The following RGS7 variants were observed in gnomAD, a reference collection of about 807,000 sequenced individuals.
RGS7 encodes the protein regulator of G-protein signaling 7.
RGS7 carries 27 observed loss-of-function variants against 81.1 expected under a neutral mutation model. That is an observed-to-expected ratio of 0.33 (90% CI 0.25 to 0.46). The LOEUF (loss-of-function observed/expected upper bound fraction) is 0.46, where lower values mean the gene tolerates loss of function less well. Among genes scored for constraint, RGS7 ranks in the 20% least tolerant of loss-of-function variants. The pLI, the probability that RGS7 is intolerant of heterozygous loss-of-function variation, is 1.00. For synonymous variants in RGS7, 208 were observed against 207.7 expected (o/e 1.00, Z -0.01); for missense variants, 396 against 607.4 (o/e 0.65, Z 3.66).
chr1:241,196,907 C>A, intron 2 of RGS7, among the ~76,000 whole-genome samples: 2 of 141,384 alleles, frequency 1.4e-5, no homozygotes, highest in African/African-American at 2.6e-5. Flanking sequence ...AGCACTAATA[C>A]AATGGTAAAA....
chr1:240,850,596 A>G (rs1659926939), intron 9 of RGS7, among the ~76,000 whole-genome samples: 2 of 152,216 alleles, frequency 1.3e-5, no homozygotes, highest in Admixed American at 1.3e-4. Flanking sequence ...CAAGTCTCTC[A>G]ATTTAAGCAA....
At chr1:240,955,005 T>C (rs1680135781) in intron 4 of RGS7, among the ~76,000 whole-genome samples, 1 of 151,994 alleles carries the variant, frequency 6.6e-6, no homozygotes, top group South Asian at 2.1e-4. Context: ...AGCAGCAAAA[T>C]TGGAAATAGT....
Position 240,887,120 on chromosome 1 carries a change from A to G in RGS7, c.386-17001T>C, listed in dbSNP as rs548190072. On this transcript the variant is annotated intron_variant, in intron 6 of 18. Transcript: ENST00000440928. ...GGAAAGTAATGTATGGAATTACTAG[A>G]TATATTGTACTTTCAGGTCACTGCA... Among the ~76,000 whole-genome samples, 5 of 152,252 alleles carry G rather than the reference A, an allele frequency of 3.3e-5. No homozygotes were observed. The East Asian group carries it at 7.7e-4, about 23-fold the overall frequency.
In RGS7 at chr1:241,256,853, G is replaced by C. The variant is rs2077071988; in HGVS notation, c.78+98846C>G. Among the ~76,000 whole-genome samples the C allele has an allele frequency of 4.0e-5, 6 of 151,670 alleles. No individual in the cohort carries two copies. In the South Asian group the frequency reaches 1.3e-3, roughly 32 times the overall value. On this transcript the variant is annotated intron_variant, in intron 2 of 18. Coordinates refer to ENST00000440928, the MANE Select transcript of RGS7 (RefSeq NM_001364886.1). ...AGTTTTGGGGAGGCACAAATGTTCAGTCCATAGCAAGGATATTTGTCAACT... is the reference window on the plus strand; with the variant it reads ...AGTTTTGGGGAGGCACAAATGTTCACTCCATAGCAAGGATATTTGTCAACT...
chr1:240,967,478 C>G (rs948702751), intron 4 of RGS7, among the ~76,000 whole-genome samples: 1 of 149,608 alleles, frequency 6.7e-6, no homozygotes, highest in Non-Finnish European at 1.5e-5. Flanking sequence ...TGAGAGATCA[C>G]GGAGGAAGTC....
intron 2 of RGS7, among the ~76,000 whole-genome samples, chr1:241,298,553 C>A (rs2079554995): frequency 1.3e-5 from 2 of 152,180 alleles, no homozygotes; most frequent in South Asian, 4.1e-4. Flanking sequence ...ACGACACCTT[C>A]TACCATTGCT....
In RGS7 at chr1:240,930,785, A is replaced by C; in HGVS notation, c.334-17T>G. ...ATAGGGGGTCTGCGGAATGAAAAGA[A>C]GTGGAACCCAGATTAGACAAATAAA... On this transcript the variant is annotated splice_polypyrimidine_tract_variant and intron_variant, in intron 5 of 18. Coordinates refer to ENST00000440928, the MANE Select transcript of RGS7 (RefSeq NM_001364886.1). 6.2e-7 allele frequency: 1 copy of C among 1,613,460 alleles called. No homozygotes were observed. Among genetic ancestry groups the C allele is most frequent in the Non-Finnish European group, 8.5e-7 (1 of 1,179,382 alleles).
intron 6 of RGS7, chr1:240,919,734 A>T: frequency 1.6e-6 from 1 of 632,250 alleles, no homozygotes; most frequent in South Asian, 1.8e-5. Flanking sequence ...ACAAGGTGAG[A>T]GCCTGAGGGG....
chr1:241,299,935 C>CAAAAAAAAAAAA (rs35939099), intron 2 of RGS7, among the ~76,000 whole-genome samples: 6 of 58,058 alleles, frequency 1.0e-4, no homozygotes, highest in East Asian at 5.6e-4. Flanking sequence ...CTCGTTTCTC[C>CAAAAAAAAAAAA]AAAAAAAAAA....
rs77730904 is a variant in RGS7, at chr1:240,993,293, A to G, written c.176-10164T>C. Among the ~76,000 whole-genome samples, 635 of 151,766 alleles carry G rather than the reference A, an allele frequency of 4.2e-3. 10 individuals carry two copies. The East Asian group carries it at 0.06, about 14-fold the overall frequency. On this transcript the variant is annotated intron_variant, in intron 3 of 18. Coordinates refer to ENST00000440928, the MANE Select transcript of RGS7 (RefSeq NM_001364886.1). ...AAAGAAAGAAAGAGAGAGAGAGAGA[A>G]AGAAAGAGCCAAACTATTTTCCAGA...
chr1:241,166,500 G>A (rs760750708), intron 2 of RGS7, among the ~76,000 whole-genome samples: 1 of 152,162 alleles, frequency 6.6e-6, no homozygotes, highest in Non-Finnish European at 1.5e-5. Context: ...AAGGGAGGGA[G>A]TCACTCTGTA....
chr1:241,230,302 C>G lies in RGS7; in HGVS notation c.78+125397G>C, dbSNP rs184164076. On this transcript the variant is annotated intron_variant, in intron 2 of 18. Transcript: ENST00000440928. ...GATCTCGGCTCACTGAAAACTCCGC[C>G]TCCCAGGTTCAAGTGATTCTTGTGC... 1.4e-3 allele frequency among the ~76,000 whole-genome samples: 211 copies of G among 151,364 alleles called. 6 individuals are homozygous for G. Among genetic ancestry groups the G allele is most frequent in the Non-Finnish European group, 3.4e-4 (23 of 67,788 alleles).
chr1:241,180,712 T>C (rs868798710), intron 2 of RGS7, among the ~76,000 whole-genome samples: 1 of 152,214 alleles, frequency 6.6e-6, no homozygotes, highest in East Asian at 1.9e-4. Context: ...GAGCACTAGA[T>C]CAAGAGTCAA....
chr1:240,966,082 A>G (rs898879680), intron 4 of RGS7, among the ~76,000 whole-genome samples: 1 of 152,176 alleles, frequency 6.6e-6, no homozygotes. Flanking sequence ...GCAACCACCT[A>G]CCATCTTTGT....
intron 3 of RGS7, among the ~76,000 whole-genome samples, chr1:240,999,860 A>C (rs500489): frequency 0.52 from 78,784 of 151,796 alleles, 21,028 homozygotes; most frequent in African/African-American, 0.65. Context: ...ACCTCGGCCT[A>C]TCAAAGTGCT....
chr1:241,356,740 G>T (rs1416213070), intron 1 of RGS7, among the ~76,000 whole-genome samples, 159 bp downstream of exon 1: 1 of 149,888 alleles, frequency 6.7e-6, no homozygotes, highest in Non-Finnish European at 1.5e-5. Flanking sequence ...CGCGGGGTGC[G>T]CGCGGCGCCC....
chr1:241,135,163 A>T (rs1046384084), intron 2 of RGS7, among the ~76,000 whole-genome samples: 1 of 152,178 alleles, frequency 6.6e-6, no homozygotes, highest in Non-Finnish European at 1.5e-5. Flanking sequence ...GCGGTGGCTC[A>T]TGCCTGTAAT....
At chr1:241,108,347 T>C (rs2065275461) in intron 2 of RGS7, among the ~76,000 whole-genome samples, 1 of 146,738 alleles carries the variant, frequency 6.8e-6, no homozygotes, top group African/African-American at 2.5e-5. Context: ...CAAAAATTGA[T>C]GCAGAAAAGA....
chr1:240,843,152 C>T (rs114449630), intron 9 of RGS7, among the ~76,000 whole-genome samples: 10,878 of 142,094 alleles, frequency 0.077, 447 homozygotes, highest in Admixed American at 0.13. Context: ...GGCACAAGAG[C>T]GAAACTCTAT....
Sources: allele counts gnomAD v4.1 joint callset (sites outside exome capture counted in the v4.1 genomes callset), GRCh38; gene constraint gnomAD v4.1.1; transcripts MANE v1.5; gene names NCBI Gene and HGNC (gene_info 2026-07-23, HGNC 2026-07-21).